The following TNRC18 variants were observed in gnomAD, a reference collection of about 807,000 sequenced individuals.
TNRC18 encodes the protein trinucleotide repeat containing 18, also known as trinucleotide repeat-containing gene 18 protein.
Under a neutral mutation model 226.7 loss-of-function variants are expected in TNRC18, and 69 were observed. That is an observed-to-expected ratio of 0.30 (90% CI 0.25 to 0.37). The LOEUF (loss-of-function observed/expected upper bound fraction) is 0.37, where lower values mean the gene tolerates loss of function less well. TNRC18 is among the 10% of genes least tolerant of loss of function. TNRC18 has a pLI of 1.00. For synonymous variants in TNRC18, 2,449 were observed against 1,927.6 expected (o/e 1.27, Z -7.09); for missense variants, 4,754 against 4,256.6 (o/e 1.12, Z -3.25).
chr7:5,347,155 C>A (rs552566389), intron 17 of TNRC18, among the ~76,000 whole-genome samples: 1 of 150,386 alleles, frequency 6.6e-6, no homozygotes, highest in South Asian at 2.1e-4. Flanking sequence ...CCAGCCTGGG[C>A]GACAGAGCAA....
In TNRC18 at chr7:5,325,239, C is replaced by G. The variant is rs868427617; in HGVS notation, c.6157G>C (p.Gly2053Arg). The change falls in exon 20 of 30, where the codon GGG becomes CGG. Residue 2053 changes from glycine (G) to arginine (R), a missense_variant. Transcript: ENST00000430969. ...DRKDPRKKKK[G>R]KEAGPGAGLP... ...CCAGCTCCTGGCCCAGCCTCTTTCCCTTTCTTCTTCTGGAGGAGGAAGCAG... is the reference window on the plus strand; with the variant it reads ...CCAGCTCCTGGCCCAGCCTCTTTCCGTTTCTTCTTCTGGAGGAGGAAGCAG... The G allele has an allele frequency of 6.4e-7, 1 of 1,552,146 alleles. No individual in the cohort carries two copies. Among genetic ancestry groups the G allele is most frequent in the South Asian group, 1.2e-5 (1 of 84,672 alleles).
At chr7:5,361,851 TG>T in intron 13 of TNRC18, 45 bp downstream of exon 13, 1 of 1,510,500 alleles carries the variant, frequency 6.6e-7, no homozygotes, top group Non-Finnish European at 8.8e-7. Flanking sequence ...GGGGGCCTGG[TG>T]GGCCGGGGCA....
At chr7:5,326,920 C>T (rs375926952) in intron 19 of TNRC18, among the ~76,000 whole-genome samples, 7 of 151,580 alleles carry the variant, frequency 4.6e-5, no homozygotes, top group Admixed American at 2.0e-4. Flanking sequence ...GTCAGGAGAT[C>T]GAGACCATCC....
intron 2 of TNRC18, chr7:5,420,710 CG>C: frequency 5.6e-6 from 3 of 536,382 alleles, no homozygotes; most frequent in East Asian, 4.5e-5. Flanking sequence ...TCGCGGGGTG[CG>C]GGGGCCGGTT....
intron 18 of TNRC18, among the ~76,000 whole-genome samples, chr7:5,334,907 C>G (rs985633144): frequency 2.0e-5 from 3 of 152,174 alleles, no homozygotes; most frequent in African/African-American, 7.2e-5. Flanking sequence ...TTGGCACACA[C>G]AGCAGGGAAG....
Position 5,377,953 on chromosome 7 carries a change from G to C in TNRC18, c.2224C>G (p.Arg742Gly). The C allele has an allele frequency of 6.2e-7, 1 of 1,613,242 alleles. No individual in the cohort carries two copies. Among genetic ancestry groups the C allele is most frequent in the Non-Finnish European group, 8.5e-7 (1 of 1,179,710 alleles). ...AGCTTCTCCTGATCCCGGTCCAGCC[G>C]TGCCCCGAGCAGCCGTTCCTCCCGG... ...RHREERLLGA[R>G]LDRDQEKLLR... is the part of the protein sequence containing the mutation. Residue 742 changes from arginine to glycine, a missense_variant, in exon 6 of 30, where the codon CGG becomes GGG. Transcript: ENST00000430969. The surrounding 1 kb of genome is among the most constrained non-coding windows in gnomAD (Gnocchi z 5.8).
In TNRC18 at chr7:5,313,106, G is replaced by A. The variant is rs186451318; in HGVS notation, c.7785C>T (p.Cys2595=). ...CGCTGCAGTTACGGCCCCCGGTGCCGCAGCCCCCGTCCCCGTTCTTGTCGC... is the reference window on the plus strand; with the variant it reads ...CGCTGCAGTTACGGCCCCCGGTGCCACAGCCCCCGTCCCCGTTCTTGTCGC... The part of the protein sequence containing the change: ...EEGDKNGDGG[C]GTGGRNCSAA... Residue 2595 remains cysteine, a synonymous_variant, in exon 27 of 30, where the codon TGC becomes TGT. Coordinates refer to ENST00000430969, the MANE Select transcript of TNRC18 (RefSeq NM_001080495.3). The A allele has an allele frequency of 5.3e-3, 7,614 of 1,423,732 alleles. 321 individuals carry two copies. The African/African-American group carries it at 0.093, about 17-fold the overall frequency. The allele number at this position is 1,423,732 out of a possible 1,614,324, so 88.2% of individuals were successfully genotyped here. A position where few individuals can be genotyped will look rare whatever the true frequency, so the allele number is the denominator to read the frequency against.
intron 5 of TNRC18, among the ~76,000 whole-genome samples, chr7:5,379,826 T>C (rs1486490125): frequency 6.6e-6 from 1 of 152,098 alleles, no homozygotes; most frequent in Non-Finnish European, 1.5e-5. Context: ...CGGCTGATAC[T>C]CCCCTTGGGG....
intron 22 of TNRC18, 52 bp downstream of exon 22, chr7:5,321,021 C>A: frequency 1.5e-6 from 2 of 1,326,170 alleles, no homozygotes; most frequent in South Asian, 2.6e-5. Context: ...GGCCGGGACA[C>A]GGGGCGGGTA....
intron 2 of TNRC18, among the ~76,000 whole-genome samples, chr7:5,411,870 A>C (rs1781865795): frequency 6.6e-6 from 1 of 152,166 alleles, no homozygotes; most frequent in Non-Finnish European, 1.5e-5. Flanking sequence ...AGATATGACA[A>C]GTGAAAAAAA....
At chr7:5,357,731 C>A (rs1176632515) in intron 15 of TNRC18, among the ~76,000 whole-genome samples, 1 of 152,192 alleles carries the variant, frequency 6.6e-6, no homozygotes, top group African/African-American at 2.4e-5. Flanking sequence ...TCAAGCCATT[C>A]TCCCACCTCA....
chr7:5,313,028 G>GAGGAT lies in TNRC18; in HGVS notation c.7862_7863insATCCT (p.Ser2624ProfsTer179), dbSNP rs1787422786. On this transcript the variant is annotated frameshift_variant, in exon 27 of 30. Coordinates refer to ENST00000430969, the MANE Select transcript of TNRC18 (RefSeq NM_001080495.3). LOFTEE classifies it high-confidence loss of function. ...ATGAGGAGGAGGAGGAGGAGGAGGAGGAGGATGAGGAGGAGGAGGAGGAGG... is the reference window on the plus strand; with the variant it reads ...ATGAGGAGGAGGAGGAGGAGGAGGAGAGGATGAGGATGAGGAGGAGGAGGAGGAGG... 2.9e-5 allele frequency: 25 copies of GAGGAT among 872,190 alleles called. No individual in the cohort carries two copies. Among genetic ancestry groups the GAGGAT allele is most frequent in the Admixed American group, 4.1e-5 (2 of 48,878 alleles). 54.0% of individuals were successfully genotyped at this position (872,190 alleles called of 1,614,324 possible). A position where few individuals can be genotyped will look rare whatever the true frequency, so the allele number is the denominator to read the frequency against.
In TNRC18 at chr7:5,375,483, G is replaced by A. The variant is rs546184057; in HGVS notation, c.2799+551C>T. Among the ~76,000 whole-genome samples the A allele has an allele frequency of 4.6e-5, 7 of 152,316 alleles. 2 individuals are homozygous for A. Among genetic ancestry groups the A allele is most frequent in the African/African-American group, 1.7e-4 (7 of 41,568 alleles). ...CAGAGAAGTAAAGGCACTTGCCCACGAGCACACAGCCAGGCCTGGCAGAGC... is the reference window on the plus strand; with the variant it reads ...CAGAGAAGTAAAGGCACTTGCCCACAAGCACACAGCCAGGCCTGGCAGAGC... On this transcript the variant is annotated intron_variant, in intron 9 of 29. Transcript: ENST00000430969.
At chr7:5,348,443 G>A (rs1791434230) in intron 17 of TNRC18, among the ~76,000 whole-genome samples, 1 of 152,156 alleles carries the variant, frequency 6.6e-6, no homozygotes, top group Non-Finnish European at 1.5e-5. Flanking sequence ...GGGGAAGACG[G>A]ACAGCCAACT....
chr7:5,370,328 A>C, intron 11 of TNRC18, 47 bp downstream of exon 11: 1 of 1,504,166 alleles, frequency 6.6e-7, no homozygotes, highest in Non-Finnish European at 8.9e-7. Flanking sequence ...ATCACCACAA[A>C]ACTAAAACTC....
rs1171273464 is a variant in TNRC18, at chr7:5,312,005, G to A, written c.8388+498C>T. 6.6e-6 allele frequency among the ~76,000 whole-genome samples: 1 copy of A among 151,754 alleles called. No homozygotes were observed. Among genetic ancestry groups the A allele is most frequent in the African/African-American group, 2.4e-5 (1 of 41,268 alleles). ...ACAAAAATTAGCCAGGCGTGGTGGC[G>A]TGCGCCTGTAATCCCAGCTACTTGG... On this transcript the variant is annotated intron_variant, in intron 27 of 29. Coordinates refer to ENST00000430969, the MANE Select transcript of TNRC18 (RefSeq NM_001080495.3). This position sits in a 1 kb window ranked among gnomAD's most constrained non-coding sequence, Gnocchi z 6.3.
At chr7:5,358,620 C>T (rs1229680449) in intron 15 of TNRC18, among the ~76,000 whole-genome samples, 1 of 151,652 alleles carries the variant, frequency 6.6e-6, no homozygotes, top group Non-Finnish European at 1.5e-5. Flanking sequence ...TCGAGGCCAG[C>T]CTGGCCAAGA....
At chr7:5,403,594 C>G (rs572227430) in intron 2 of TNRC18, among the ~76,000 whole-genome samples, 1 of 152,128 alleles carries the variant, frequency 6.6e-6, no homozygotes, top group East Asian at 1.9e-4. Flanking sequence ...AGTTCAAGAC[C>G]AGCCTGGGCA....
Position 5,307,903 on chromosome 7 carries a change from G to C in TNRC18, c.*203C>G. Reference sequence around the variant, plus strand: ...GGGGGCACTGAGGGGTTGGAAGGTGGGGCTGGAGGCATGTGCACATGCGTG... The same window carrying C: ...GGGGGCACTGAGGGGTTGGAAGGTGCGGCTGGAGGCATGTGCACATGCGTG... On this transcript the variant is annotated 3_prime_UTR_variant, in exon 30 of 30. Coordinates refer to ENST00000430969, the MANE Select transcript of TNRC18 (RefSeq NM_001080495.3). 1.7e-6 allele frequency: 1 copy of C among 593,314 alleles called. No homozygotes were observed. Among genetic ancestry groups the C allele is most frequent in the Non-Finnish European group, 3.0e-6 (1 of 333,766 alleles). The allele number at this position is 593,314 out of a possible 1,614,324, so 36.8% of individuals were successfully genotyped here.
Sources: allele counts gnomAD v4.1 joint callset (sites outside exome capture counted in the v4.1 genomes callset), GRCh38; gene constraint gnomAD v4.1.1; non-coding constraint Gnocchi (gnomAD v3.1); transcripts MANE v1.5; gene names NCBI Gene and HGNC (gene_info 2026-07-23, HGNC 2026-07-21).